Variants in MCTP1 observed in about 807,000 individuals in gnomAD.
The protein encoded by MCTP1 is multiple C2 and transmembrane domain containing 1.
MCTP1 carries 69 observed loss-of-function variants against 120.6 expected under a neutral mutation model. The ratio of observed to expected loss-of-function variants is 0.57; its 90% CI spans 0.47 to 0.70. The LOEUF (loss-of-function observed/expected upper bound fraction) is 0.70, where lower values mean the gene tolerates loss of function less well. MCTP1 is among the 30% of genes least tolerant of loss of function. The pLI, the probability that MCTP1 is intolerant of heterozygous loss-of-function variation, is 0.00. For missense variants in MCTP1, 1,203 were observed against 1,248.8 expected, an observed-to-expected ratio of 0.96 and a Z score of 0.55; for synonymous variants, 529 against 493.1, an observed-to-expected ratio of 1.07 and a Z score of -0.96.
At chr5:94,748,710 G>T (rs1192398437) in intron 19 of MCTP1, among the ~76,000 whole-genome samples, 1 of 152,192 alleles carries the variant, frequency 6.6e-6, no homozygotes, top group Non-Finnish European at 1.5e-5. Flanking sequence ...TTTCTCGATT[G>T]TCTCAGGACA....
At chr5:95,104,853 C>T (rs1240015602) in intron 1 of MCTP1, among the ~76,000 whole-genome samples, 1 of 152,174 alleles carries the variant, frequency 6.6e-6, no homozygotes, top group Non-Finnish European at 1.5e-5. Context: ...CCTTACTTTT[C>T]TAAAGCCTTT....
At chr5:94,799,757 A>G (rs983962269) in intron 17 of MCTP1, among the ~76,000 whole-genome samples, 2 of 152,178 alleles carry the variant, frequency 1.3e-5, no homozygotes, top group African/African-American at 4.8e-5. Context: ...GCCTATTTGT[A>G]TTGTTCTTTT....
chr5:95,008,888 G>C lies in MCTP1; in HGVS notation c.838+8479C>G, dbSNP rs1486844734. Among the ~76,000 whole-genome samples the C allele has an allele frequency of 2.0e-5, 3 of 152,004 alleles. No homozygotes were observed. The East Asian group carries it at 5.8e-4, about 29-fold the overall frequency. ...AAAGTGTCAAGAATTCTCCCAGATG[G>C]GCACAGTGGCTTACACTTGTAGTCT... On this transcript the variant is annotated intron_variant, in intron 2 of 22. Transcript: ENST00000515393.
At chr5:95,105,004 T>C (rs1756988649) in intron 1 of MCTP1, among the ~76,000 whole-genome samples, 1 of 152,356 alleles carries the variant, frequency 6.6e-6, no homozygotes, top group Non-Finnish European at 1.5e-5. Context: ...TACATATTTG[T>C]GTGCCCCATT....
intron 19 of MCTP1, among the ~76,000 whole-genome samples, chr5:94,757,844 G>C (rs1770301863): frequency 1.3e-5 from 2 of 152,182 alleles, no homozygotes; most frequent in Admixed American, 6.5e-5. Context: ...CCAAACATCA[G>C]AGACACAAGA....
At chr5:95,265,669 C>G (rs1264550048) in intron 1 of MCTP1, among the ~76,000 whole-genome samples, 2 of 152,172 alleles carry the variant, frequency 1.3e-5, no homozygotes, top group Non-Finnish European at 1.5e-5. Flanking sequence ...GTATTTATCT[C>G]CCAAGACACA....
intron 1 of MCTP1, among the ~76,000 whole-genome samples, chr5:95,283,460 A>G (rs1347232404): frequency 6.6e-6 from 1 of 152,158 alleles, no homozygotes; most frequent in Non-Finnish European, 1.5e-5. Flanking sequence ...TTTGCTTCCA[A>G]TGGTACCTCT....
At chr5:95,059,736 G>A (rs1244334214) in intron 1 of MCTP1, among the ~76,000 whole-genome samples, 1 of 152,146 alleles carries the variant, frequency 6.6e-6, no homozygotes, top group Non-Finnish European at 1.5e-5. Context: ...GAGAGGAGAA[G>A]AAAAAGAAAA....
At chr5:95,148,283 C>T (rs1419078804) in intron 1 of MCTP1, among the ~76,000 whole-genome samples, 1 of 148,884 alleles carries the variant, frequency 6.7e-6, no homozygotes, top group Non-Finnish European at 1.5e-5. Context: ...TCATGAACTA[C>T]ATCCTCAAGT....
chr5:95,164,551 AT>A (rs1460538179), intron 1 of MCTP1, among the ~76,000 whole-genome samples: 1 of 152,124 alleles, frequency 6.6e-6, no homozygotes, highest in Non-Finnish European at 1.5e-5. Flanking sequence ...AAATAACCAA[AT>A]TTTACCAATT....
In MCTP1 at chr5:94,705,523, AG is replaced by A. The variant is rs1754346524; in HGVS notation, c.*1972del. On this transcript the variant is annotated 3_prime_UTR_variant, in exon 23 of 23. Transcript: ENST00000515393. ...CTGAACCACCAAAAAAAAAAAAAAAAGGAGTGCTGATTATACGTGGGAAAGA... is the reference window on the plus strand; with the variant it reads ...CTGAACCACCAAAAAAAAAAAAAAAAGAGTGCTGATTATACGTGGGAAAGA... The A allele has an allele frequency of 6.6e-6, 1 of 150,536 alleles. No homozygotes were observed. Among genetic ancestry groups the A allele is most frequent in the Non-Finnish European group, 1.5e-5 (1 of 67,394 alleles). The allele number at this position is 150,536 out of a possible 1,614,324, so 9.3% of individuals were successfully genotyped here.
chr5:94,730,531 T>C (rs1320922361), intron 19 of MCTP1, among the ~76,000 whole-genome samples: 2 of 152,168 alleles, frequency 1.3e-5, no homozygotes, highest in South Asian at 4.1e-4. Context: ...GTGTTTGGGC[T>C]GTGAAAAAGT....
intron 17 of MCTP1, among the ~76,000 whole-genome samples, chr5:94,814,181 T>C (rs1358838460): frequency 6.6e-6 from 1 of 152,184 alleles, no homozygotes; most frequent in Non-Finnish European, 1.5e-5. Context: ...AAACAAAATT[T>C]CACCTGTTCT....
At chr5:95,230,298 A>G (rs745601345) in intron 1 of MCTP1, among the ~76,000 whole-genome samples, 5 of 151,884 alleles carry the variant, frequency 3.3e-5, no homozygotes, top group Admixed American at 2.0e-4. Flanking sequence ...TAACAATCCA[A>G]TGAAATAGGT....
In MCTP1 at chr5:94,727,745, G is replaced by A. The variant is rs1438416427; in HGVS notation, c.2611-12859C>T. On this transcript the variant is annotated intron_variant, in intron 19 of 22. Coordinates refer to ENST00000515393, the MANE Select transcript of MCTP1 (RefSeq NM_024717.7). Reference sequence around the variant, plus strand: ...AATTAGCATTAGGAAAAAATGATTTGCTCCACCACTTTGGGCTTTTATTTC... The same window carrying A: ...AATTAGCATTAGGAAAAAATGATTTACTCCACCACTTTGGGCTTTTATTTC... 2.6e-5 allele frequency among the ~76,000 whole-genome samples: 4 copies of A among 152,156 alleles called. No homozygotes were observed. The East Asian group carries it at 7.7e-4, about 29-fold the overall frequency.
chr5:95,045,315 T>C (rs1190599431), intron 1 of MCTP1, among the ~76,000 whole-genome samples: 1 of 152,206 alleles, frequency 6.6e-6, no homozygotes, highest in East Asian at 1.9e-4. Flanking sequence ...CAACCTGCTG[T>C]TTCCTTATCA....
At chr5:94,878,998 G>C (rs749178111) in intron 12 of MCTP1, among the ~76,000 whole-genome samples, 3 of 152,012 alleles carry the variant, frequency 2.0e-5, no homozygotes, top group Non-Finnish European at 4.4e-5. Flanking sequence ...TAGAAAAGTG[G>C]AGAAAAGTAG....
intron 21 of MCTP1, chr5:94,710,196 A>C (rs1312921871): frequency 6.6e-6 from 1 of 152,170 alleles, no homozygotes; most frequent in Non-Finnish European, 1.5e-5. Flanking sequence ...TGCAACTGAC[A>C]GTCTCCTAAA....
intron 1 of MCTP1, among the ~76,000 whole-genome samples, chr5:95,073,211 A>T (rs982344944): frequency 3.3e-5 from 5 of 152,040 alleles, no homozygotes; most frequent in African/African-American, 1.2e-4. Flanking sequence ...ATTTTTTGTC[A>T]GTCTTGGGCA....
Sources: gnomAD v4.1 joint callset for allele counts (sites outside exome capture counted in the v4.1 genomes callset) on GRCh38, gnomAD v4.1.1 for gene constraint, MANE v1.5 for transcripts, NCBI Gene and HGNC (gene_info 2026-07-23, HGNC 2026-07-21) for gene names.